Variants in ALOX5 observed in about 807,000 individuals in gnomAD.
ALOX5 encodes arachidonate 5-lipoxygenase.
In ALOX5, 64 loss-of-function variants were observed where a neutral mutation model predicts 87.9. The ratio of observed to expected loss-of-function variants is 0.73; its 90% CI spans 0.60 to 0.90. The LOEUF (loss-of-function observed/expected upper bound fraction) is 0.90. Ranked by LOEUF, ALOX5 falls within the 40% of genes least tolerant of loss-of-function variation. The pLI is 0.00. For missense variants in ALOX5, 822 were observed against 907.5 expected, an observed-to-expected ratio of 0.91 and a Z score of 1.21; for synonymous variants, 388 against 355.1, an observed-to-expected ratio of 1.09 and a Z score of -1.04.
rs533516008 is a variant in ALOX5, at chr10:45,424,383, C to T, written c.661+236C>T. ...GATATTCAAGCTCGAGCACCCTCAA[C>T]CTCATTTCACTATCAAAAGTCTCAA... On this transcript the variant is annotated intron_variant, in intron 5 of 13. Transcript: ENST00000374391. 6.6e-5 allele frequency among the ~76,000 whole-genome samples: 10 copies of T among 152,334 alleles called. No homozygotes were observed. In the South Asian group the frequency reaches 8.3e-4, roughly 13 times the overall value.
At chr10:45,402,485 G>A (rs1840737094) in intron 3 of ALOX5, among the ~76,000 whole-genome samples, 1 of 152,188 alleles carries the variant, frequency 6.6e-6, no homozygotes, top group Non-Finnish European at 1.5e-5. Context: ...CCAGCACGGA[G>A]GGCTGAAGGA....
chr10:45,429,515 G>T (rs562081563), intron 7 of ALOX5, among the ~76,000 whole-genome samples: 3 of 152,214 alleles, frequency 2.0e-5, no homozygotes, highest in Admixed American at 1.3e-4. Flanking sequence ...TGCACAGTCC[G>T]CAATCCCTTA....
chr10:45,429,911 A>G (rs1841854428), intron 7 of ALOX5, among the ~76,000 whole-genome samples: 1 of 152,154 alleles, frequency 6.6e-6, no homozygotes, highest in South Asian at 2.1e-4. Context: ...AGATAAGAAA[A>G]CTGAGACACA....
chr10:45,390,933 A>C (rs1840198884), intron 2 of ALOX5, among the ~76,000 whole-genome samples: 1 of 151,978 alleles, frequency 6.6e-6, no homozygotes, highest in Non-Finnish European at 1.5e-5. Context: ...AACAAAATTG[A>C]TAGACTGCTA....
intron 11 of ALOX5, 64 bp downstream of exon 11, chr10:45,443,601 C>T (rs2132863744): frequency 6.3e-7 from 1 of 1,595,896 alleles, no homozygotes; most frequent in East Asian, 2.3e-5. Context: ...GCCCCTCCGC[C>T]ACCCCTCCGG....
Position 45,379,207 on chromosome 10 carries a change from C to G in ALOX5, c.151-3276C>G, listed in dbSNP as rs376068001. Among the ~76,000 whole-genome samples the G allele has an allele frequency of 3.2e-3, 489 of 152,264 alleles. 1 individual carries two copies. The highest frequency in any genetic ancestry group is 0.01 in the African/African-American group (430 of 41,532). On this transcript the variant is annotated intron_variant, in intron 1 of 13. Coordinates refer to ENST00000374391, the MANE Select transcript of ALOX5 (RefSeq NM_000698.5). Reference sequence around the variant, plus strand: ...TTAGTCCAAGGTACTGGGAGCCTCCCTCCCATGAGAGTGTCCCTGTTAGCT... The same window carrying G: ...TTAGTCCAAGGTACTGGGAGCCTCCGTCCCATGAGAGTGTCCCTGTTAGCT...
rs1225971179 is a variant in ALOX5, at chr10:45,425,068, C to T, written c.770C>T (p.Pro257Leu). The T allele has an allele frequency of 1.5e-5, 24 of 1,613,950 alleles. No individual in the cohort carries two copies. Among genetic ancestry groups the T allele is most frequent in the South Asian group, 3.3e-5 (3 of 91,090 alleles). ...RRCTELPEKLPVTTEMVECSL... is the reference protein window; with the variant it reads ...RRCTELPEKLLVTTEMVECSL... Reference sequence around the variant, plus strand: ...TGCACAGAGCTGCCCGAGAAGCTCCCGGTGACCACGGAGATGGTAGAGTGC... The same window carrying T: ...TGCACAGAGCTGCCCGAGAAGCTCCTGGTGACCACGGAGATGGTAGAGTGC... The change falls in exon 6 of 14, where the codon CCG becomes CTG. Residue 257 changes from proline to leucine, a missense_variant. Transcript: ENST00000374391. This position sits in a 1 kb window ranked among gnomAD's most constrained non-coding sequence, Gnocchi z 4.4.
rs1306138878 is a variant in ALOX5, at chr10:45,374,268, G to A, written c.-12G>A. The A allele has an allele frequency of 6.8e-7, 1 of 1,467,576 alleles. No homozygotes were observed. Among genetic ancestry groups the A allele is most frequent in the Admixed American group, 2.6e-5 (1 of 38,534 alleles). The allele number at this position is 1,467,576 out of a possible 1,614,324, so 90.9% of individuals were successfully genotyped here. ...GAGGCTCCCGGCGCTCGCTGCTCCC[G>A]CGGCCCGCGCCATGCCCTCCTACAC... On this transcript the variant is annotated 5_prime_UTR_variant, in exon 1 of 14. Coordinates refer to ENST00000374391, the MANE Select transcript of ALOX5 (RefSeq NM_000698.5).
At chr10:45,387,699 A>C (rs925951000) in intron 2 of ALOX5, among the ~76,000 whole-genome samples, 1 of 152,130 alleles carries the variant, frequency 6.6e-6, no homozygotes, top group African/African-American at 2.4e-5. Context: ...ACTGAAAGGC[A>C]GGGGCCCCAA....
chr10:45,400,951 T>C (rs888138592), intron 3 of ALOX5, among the ~76,000 whole-genome samples: 2 of 152,234 alleles, frequency 1.3e-5, no homozygotes, highest in African/African-American at 4.8e-5. Flanking sequence ...TTTAATGGTA[T>C]GTAAATGTAT....
intron 3 of ALOX5, among the ~76,000 whole-genome samples, chr10:45,401,316 T>G (rs1265238862): frequency 2.6e-5 from 4 of 152,208 alleles, no homozygotes; most frequent in African/African-American, 9.7e-5. Context: ...ATAGTTGAAC[T>G]TCTTACAAGG....
intron 2 of ALOX5, among the ~76,000 whole-genome samples, chr10:45,389,712 A>G (rs1275049809): frequency 6.6e-6 from 1 of 150,896 alleles, no homozygotes; most frequent in Non-Finnish European, 1.5e-5. Context: ...ATGGAAATGA[A>G]CAACTGGTAC....
chr10:45,378,655 G>A (rs1209417443), intron 1 of ALOX5, among the ~76,000 whole-genome samples: 3 of 152,184 alleles, frequency 2.0e-5, no homozygotes, highest in Admixed American at 2.0e-4. Flanking sequence ...TGTGACCCTG[G>A]TATTTTCCTG....
intron 3 of ALOX5, among the ~76,000 whole-genome samples, chr10:45,410,024 C>G (rs1340355799): frequency 1.3e-5 from 2 of 152,264 alleles, no homozygotes; most frequent in African/African-American, 2.4e-5. Flanking sequence ...CCACATCCGT[C>G]CAAGTGGACT....
chr10:45,407,391 CTT>C (rs59337853), intron 3 of ALOX5, among the ~76,000 whole-genome samples: 49 of 145,660 alleles, frequency 3.4e-4, no homozygotes, highest in Admixed American at 1.7e-3. Flanking sequence ...TATCTTTTTC[CTT>C]TTTTTTTTTC....
At chr10:45,422,908 C>G (rs141692564) in intron 4 of ALOX5, among the ~76,000 whole-genome samples, 3 of 152,322 alleles carry the variant, frequency 2.0e-5, no homozygotes, top group African/African-American at 7.2e-5. Flanking sequence ...TTGCAGATGT[C>G]TCTGTGTTCC....
intron 2 of ALOX5, among the ~76,000 whole-genome samples, chr10:45,385,787 G>A (rs1036658888): frequency 5.9e-5 from 9 of 152,172 alleles, no homozygotes; most frequent in African/African-American, 1.2e-4. Context: ...GAGGTATCCC[G>A]TTAATATTCC....
chr10:45,405,321 C>A (rs1840838384), intron 3 of ALOX5, among the ~76,000 whole-genome samples: 1 of 152,216 alleles, frequency 6.6e-6, no homozygotes, highest in Admixed American at 6.5e-5. Context: ...TTTGCCCATC[C>A]ATACATTTGT....
chr10:45,418,840 G>A (rs1841394910), intron 4 of ALOX5, among the ~76,000 whole-genome samples: 1 of 152,264 alleles, frequency 6.6e-6, no homozygotes, highest in African/African-American at 2.4e-5. Context: ...ATTGCAGGGG[G>A]TGGCAGGGCT....
Sources: allele counts gnomAD v4.1 joint callset (sites outside exome capture counted in the v4.1 genomes callset), GRCh38; gene constraint gnomAD v4.1.1; non-coding constraint Gnocchi (gnomAD v3.1); transcripts MANE v1.5; gene names NCBI Gene and HGNC (gene_info 2026-07-23, HGNC 2026-07-21).